USP14: variants seen among roughly 807,000 people sequenced by gnomAD.
The protein encoded by USP14 is ubiquitin specific peptidase 14.
A neutral mutation model predicts 76.5 loss-of-function variants in USP14; 38 were observed. The observed-to-expected ratio is 0.50, with a 90% CI of 0.38 to 0.65. The LOEUF is 0.65. Ranked by LOEUF, USP14 falls within the 30% of genes least tolerant of loss-of-function variation. The pLI is 0.00. For missense variants in USP14, 467 were observed against 586.5 expected (o/e 0.80, Z 2.10); for synonymous variants, 192 against 191.7 (o/e 1.00, Z -0.01).
At chr18:191,958 G>T in intron 5 of USP14, among the ~76,000 whole-genome samples, 1 of 151,150 alleles carries the variant, frequency 6.6e-6, no homozygotes, top group East Asian at 2.0e-4. Flanking sequence ...ACTATGGTTT[G>T]AATAGTCATT....
intron 3 of USP14, among the ~76,000 whole-genome samples, chr18:167,236 C>G (rs541350926): frequency 2.0e-5 from 3 of 152,180 alleles, no homozygotes; most frequent in Admixed American, 2.0e-4. Context: ...GAGCCGAGAT[C>G]GTGCCACTGC....
chr18:167,860 G>A (rs1322922715), intron 3 of USP14, among the ~76,000 whole-genome samples: 1 of 150,798 alleles, frequency 6.6e-6, no homozygotes, highest in Non-Finnish European at 1.5e-5. Flanking sequence ...ACATTTGTTC[G>A]CTGCTTAAAA....
At chr18:173,256 T>C (rs200757845) in intron 3 of USP14, among the ~76,000 whole-genome samples, 1,979 of 150,942 alleles carry the variant, frequency 0.013, 22 homozygotes, top group African/African-American at 0.019. Flanking sequence ...TACAGGTGCC[T>C]GCCACCACAC....
At chr18:162,829 G>C (rs550316486) in intron 1 of USP14, among the ~76,000 whole-genome samples, 2 of 147,730 alleles carry the variant, frequency 1.4e-5, no homozygotes, top group Non-Finnish European at 3.0e-5. Context: ...ATGGAGTCTC[G>C]CACTGTCGCC....
chr18:175,007 A>G (rs1048543320), intron 3 of USP14, among the ~76,000 whole-genome samples: 2 of 151,834 alleles, frequency 1.3e-5, no homozygotes, highest in South Asian at 2.1e-4. Flanking sequence ...AACTGGTCTC[A>G]AGCAATCCTT....
chr18:173,520 T>G (rs535830313), intron 3 of USP14, among the ~76,000 whole-genome samples: 1 of 152,168 alleles, frequency 6.6e-6, no homozygotes, highest in Non-Finnish European at 1.5e-5. Flanking sequence ...CAAGAGATTC[T>G]CCTGCCTCAG....
chr18:185,240 G>C (rs942994749), intron 5 of USP14, among the ~76,000 whole-genome samples: 1 of 151,988 alleles, frequency 6.6e-6, no homozygotes, highest in African/African-American at 2.4e-5. Flanking sequence ...GCTCACTGCA[G>C]CCTCTGCCTC....
chr18:160,517 C>T (rs1382946035), intron 1 of USP14, among the ~76,000 whole-genome samples: 1 of 152,092 alleles, frequency 6.6e-6, no homozygotes, highest in South Asian at 2.1e-4. Context: ...AGCAAGACCC[C>T]CGTCTCTAAA....
chr18:174,847 C>T (rs1411225939), intron 3 of USP14, among the ~76,000 whole-genome samples: 2 of 152,122 alleles, frequency 1.3e-5, no homozygotes, highest in African/African-American at 4.8e-5. Flanking sequence ...GTGATCATGG[C>T]TCACTGTAGT....
chr18:184,704 T>C (rs513402), intron 5 of USP14, among the ~76,000 whole-genome samples: 87,027 of 151,944 alleles, frequency 0.57, 25,133 homozygotes, highest in South Asian at 0.66. Context: ...GGAGGTCGAG[T>C]CTGCAGTGAG....
At chr18:204,478 T>C in intron 12 of USP14, 86 bp from the exon 13 acceptor site, 1 of 1,153,124 alleles carries the variant, frequency 8.7e-7, no homozygotes, top group Non-Finnish European at 1.2e-6. Flanking sequence ...ATCTGAATTA[T>C]GAAAGCATTA....
Position 213,044 on chromosome 18 carries a change from A to AATC in USP14, c.*1762_*1764dup, listed in dbSNP as rs1261108106. 4 of 152,242 alleles carry AATC rather than the reference A, an allele frequency of 2.6e-5. No individual in the cohort carries two copies. The highest frequency in any genetic ancestry group is 7.2e-5 in the African/African-American group (3 of 41,466). The allele number at this position is 152,242 out of a possible 1,614,324, so 9.4% of individuals were successfully genotyped here. A position where few individuals can be genotyped will look rare whatever the true frequency, so the allele number is the denominator to read the frequency against. The stretch of plus-strand genomic sequence containing the variant: ...TTCCTCACCTAAACTTTGACTTGGC[A>AATC]ATCAATACTTTCTACTTTGTGGAGG... On this transcript the variant is annotated 3_prime_UTR_variant, in exon 16 of 16. Transcript: ENST00000261601.
chr18:198,542 A>C (rs573686424), intron 9 of USP14, among the ~76,000 whole-genome samples: 6 of 152,200 alleles, frequency 3.9e-5, no homozygotes, highest in Non-Finnish European at 7.3e-5. Context: ...ACCTAAAAAA[A>C]TACAATAATG....
intron 13 of USP14, among the ~76,000 whole-genome samples, chr18:206,057 T>C (rs1910521874): frequency 6.6e-6 from 1 of 152,248 alleles, no homozygotes; most frequent in African/African-American, 2.4e-5. Flanking sequence ...GTAAGTTCCA[T>C]TTCTCTGGAA....
At chr18:166,872 C>A in intron 3 of USP14, 53 bp downstream of exon 3, 1 of 1,514,926 alleles carries the variant, frequency 6.6e-7, no homozygotes, top group Non-Finnish European at 9.1e-7. Context: ...CATTATGATA[C>A]CAAAATACAT....
chr18:168,493 G>C (rs930798721), intron 3 of USP14, among the ~76,000 whole-genome samples: 1 of 151,936 alleles, frequency 6.6e-6, no homozygotes, highest in African/African-American at 2.4e-5. Flanking sequence ...GGAGTGTGGT[G>C]GTGTGATCTT....
intron 6 of USP14, 83 bp downstream of exon 6, chr18:192,983 T>A: frequency 8.3e-7 from 1 of 1,206,954 alleles, no homozygotes; most frequent in Non-Finnish European, 1.2e-6. Flanking sequence ...TTACAGAATG[T>A]CTTTTGTAAA....
intron 5 of USP14, among the ~76,000 whole-genome samples, chr18:185,061 G>C (rs560425100): frequency 6.6e-6 from 1 of 152,138 alleles, no homozygotes; most frequent in South Asian, 2.1e-4. Flanking sequence ...TCACATGGCC[G>C]TATCTGTTGT....
rs148950324 is a variant in USP14 at position 184,126 on chromosome 18, T to C, written c.404+3787T>C. Among the ~76,000 whole-genome samples, 6 of 152,364 alleles carry C rather than the reference T, an allele frequency of 3.9e-5. No individual in the cohort carries two copies. In the South Asian group the frequency reaches 8.3e-4, roughly 21 times the overall value. On this transcript the variant is annotated intron_variant, in intron 5 of 15. Transcript: ENST00000261601. ...AAACCAAAAGAAGTATTTTTTGTTT[T>C]TCCTTTTTTTAAAAAAATAAAAGTG...
Sources: gnomAD v4.1 joint callset for allele counts (sites outside exome capture counted in the v4.1 genomes callset) on GRCh38, gnomAD v4.1.1 for gene constraint, MANE v1.5 for transcripts, NCBI Gene and HGNC (gene_info 2026-07-23, HGNC 2026-07-21) for gene names.